Variants in GPHN observed in about 807,000 individuals in gnomAD.
The protein encoded by GPHN is gephyrin.
In GPHN, 17 loss-of-function variants were observed where a neutral mutation model predicts 95.5. That is an observed-to-expected ratio of 0.18 (90% confidence interval 0.12 to 0.27). The LOEUF (loss-of-function observed/expected upper bound fraction) is 0.27, where lower values mean the gene tolerates loss of function less well. GPHN is among the 10% of genes least tolerant of loss of function. The probability of loss-of-function intolerance (pLI) is 1.00; values close to 1 mark genes in which losing one functional copy is unlikely to be tolerated. For synonymous variants in GPHN, 320 were observed against 322.5 expected (o/e 0.99, Z 0.08); for missense variants, 660 against 978.1 (o/e 0.67, Z 4.34).
chr14:66,523,760 G>A (rs1427813592), intron 1 of GPHN, among the ~76,000 whole-genome samples: 2 of 152,038 alleles, frequency 1.3e-5, no homozygotes, highest in East Asian at 3.9e-4. Flanking sequence ...TGTTTGTTGT[G>A]TATTATAATA....
chr14:67,360,917 AC>A, the GPHN span, among the ~76,000 whole-genome samples: 2 of 152,114 alleles, frequency 1.3e-5, no homozygotes, highest in Non-Finnish European at 2.9e-5. Flanking sequence ...CTGGCCTCTT[AC>A]CTGAGAAACC....
rs17103891 is a variant in GPHN, at chr14:67,077,837, A to G, written c.1145-11146A>G. 3.0e-3 allele frequency among the ~76,000 whole-genome samples: 453 copies of G among 152,266 alleles called. 3 individuals are homozygous for G. Among genetic ancestry groups the G allele is most frequent in the African/African-American group, 0.01 (435 of 41,568 alleles). ...CTGTTATCTTGCAGCACAAGTAAGC[A>G]TGGCACACAAAACAATGTATCAGCC... On this transcript the variant is annotated intron_variant, in intron 11 of 22. Transcript: ENST00000478722.
the GPHN span, chr14:67,555,797 C>T: frequency 6.3e-5 from 101 of 1,611,844 alleles, 1 homozygote; most frequent in South Asian, 1.0e-3. Context: ...ATGGCACCTA[C>T]ATCTCCCCTT....
intron 9 of GPHN, among the ~76,000 whole-genome samples, chr14:66,974,147 A>G (rs917570834): frequency 6.6e-6 from 1 of 152,210 alleles, no homozygotes; most frequent in Non-Finnish European, 1.5e-5. Context: ...GAATTTTGAG[A>G]CTTCAAATAA....
chr14:67,320,708 A>C, the GPHN span, among the ~76,000 whole-genome samples: 1 of 143,994 alleles, frequency 6.9e-6, no homozygotes, highest in Non-Finnish European at 1.5e-5. Flanking sequence ...ACTTAGGCAT[A>C]ATCTGAAACA....
At chr14:67,555,476 G>A in the GPHN span, among the ~76,000 whole-genome samples, 1 of 152,146 alleles carries the variant, frequency 6.6e-6, no homozygotes, top group Non-Finnish European at 1.5e-5. Context: ...GAGGAAAGGG[G>A]CCTCAGGAAG....
At chr14:67,449,035 A>C in the GPHN span, among the ~76,000 whole-genome samples, 5 of 152,076 alleles carry the variant, frequency 3.3e-5, no homozygotes, top group African/African-American at 1.2e-4. Flanking sequence ...CTTCAGGAGG[A>C]GCTTCTGTCC....
At chr14:67,516,145 T>C in the GPHN span, among the ~76,000 whole-genome samples, 1 of 152,214 alleles carries the variant, frequency 6.6e-6, no homozygotes, top group Non-Finnish European at 1.5e-5. Context: ...GGACTGGTCC[T>C]GGGTCCTGCA....
intron 2 of GPHN, among the ~76,000 whole-genome samples, chr14:66,700,608 G>A (rs2068462984): frequency 6.6e-6 from 1 of 152,040 alleles, no homozygotes; most frequent in Admixed American, 6.6e-5. Context: ...ATTCATCCTA[G>A]AATAGAACAA....
At chr14:67,385,021 A>G in the GPHN span, 3 of 152,206 alleles carry the variant, frequency 2.0e-5, no homozygotes, top group East Asian at 1.9e-4. Context: ...TTCAAAAGCC[A>G]TAACTTGAAA....
At chr14:66,927,815 A>G (rs1421536839) in intron 8 of GPHN, among the ~76,000 whole-genome samples, 1 of 152,160 alleles carries the variant, frequency 6.6e-6, no homozygotes, top group African/African-American at 2.4e-5. Context: ...TTTGTCATTC[A>G]TTCTGTAGAT....
At chr14:67,329,067 G>A in the GPHN span, among the ~76,000 whole-genome samples, 1 of 152,120 alleles carries the variant, frequency 6.6e-6, no homozygotes, top group Non-Finnish European at 1.5e-5. Flanking sequence ...ATTACCTTGG[G>A]CAGTATGGCC....
At chr14:67,639,588 G>C in the GPHN span, among the ~76,000 whole-genome samples, 1 of 152,064 alleles carries the variant, frequency 6.6e-6, no homozygotes, top group South Asian at 2.1e-4. Context: ...GATAAACATG[G>C]AGGTGAAAGT....
At position 66,668,876 on chromosome 14, in the gene GPHN, GT is replaced by G. The variant is rs1246575934; in HGVS notation, c.65-12217del. Among the ~76,000 whole-genome samples, 723 of 139,246 alleles carry G rather than the reference GT, an allele frequency of 5.2e-3. 10 individuals carry two copies. The highest frequency in any genetic ancestry group is 0.014 in the African/African-American group (524 of 38,224). The allele number at this position is 139,246 out of a possible 152,430, so 91.4% of individuals were successfully genotyped here. ...GTATTACCTTTCCCACTTTCCTGCT[GT>G]TTTTTTTTTTTTTCTTTTTTTGAGA... On this transcript the variant is annotated intron_variant, in intron 1 of 22. Transcript: ENST00000478722.
chr14:67,704,599 AGT>A, the GPHN span, among the ~76,000 whole-genome samples: 1 of 152,182 alleles, frequency 6.6e-6, no homozygotes, highest in African/African-American at 2.4e-5. Context: ...GGTGTCTTAG[AGT>A]GCACTTCCCA....
At chr14:67,347,500 C>CTTTT in the GPHN span, 199 of 1,300,802 alleles carry the variant, frequency 1.5e-4, 1 homozygote, top group Admixed American at 9.6e-4. Flanking sequence ...TTTAAGTTCT[C>CTTTT]TCTTTTTTTT....
intron 1 of GPHN, among the ~76,000 whole-genome samples, chr14:66,524,860 C>T (rs770810053): frequency 7.9e-5 from 12 of 152,084 alleles, no homozygotes; most frequent in Admixed American, 2.6e-4. Context: ...CATATTCTAC[C>T]GTGTATATGT....
chr14:67,221,739 A>C, the GPHN span: 1 of 1,609,904 alleles, frequency 6.2e-7, no homozygotes. Flanking sequence ...ATTTGTGGTT[A>C]TGCTGGCAAA....
intron 1 of GPHN, among the ~76,000 whole-genome samples, chr14:66,620,557 A>G (rs961774618): frequency 9.9e-5 from 15 of 152,098 alleles, no homozygotes; most frequent in African/African-American, 1.4e-4. Context: ...TTCCTCCCCA[A>G]TAATTCTGTC....
Sources: gnomAD v4.1 joint callset for allele counts (sites outside exome capture counted in the v4.1 genomes callset) on GRCh38, gnomAD v4.1.1 for gene constraint, MANE v1.5 for transcripts, NCBI Gene and HGNC (gene_info 2026-07-23, HGNC 2026-07-21) for gene names.